The following NTM variants were observed in gnomAD, a reference collection of about 807,000 sequenced individuals.
The protein encoded by NTM is neurotrimin.
Under a neutral mutation model 42.1 loss-of-function variants are expected in NTM, and 13 were observed. The observed-to-expected ratio is 0.31, with a 90% CI of 0.20 to 0.49. The LOEUF is 0.49. Ranked by LOEUF, NTM falls within the 20% of genes least tolerant of loss-of-function variation. The pLI is 0.99. For synonymous variants in NTM, 187 were observed against 179.2 expected (o/e 1.04, Z -0.35); for missense variants, 373 against 452.8 (o/e 0.82, Z 1.60).
intron 1 of NTM, among the ~76,000 whole-genome samples, chr11:131,812,637 T>G (rs1031032639): frequency 3.9e-5 from 6 of 151,984 alleles, no homozygotes; most frequent in African/African-American, 1.4e-4. Context: ...TACAAATGCC[T>G]GAGAGGAGCT....
At chr11:132,263,210 G>C (rs141596688) in intron 4 of NTM, among the ~76,000 whole-genome samples, 5 of 152,334 alleles carry the variant, frequency 3.3e-5, no homozygotes, top group Admixed American at 3.3e-4. Flanking sequence ...CAACCCCAAG[G>C]CTGTTCAAGG....
At chr11:131,915,955 A>G (rs1002107335) in intron 2 of NTM, among the ~76,000 whole-genome samples, 1 of 152,170 alleles carries the variant, frequency 6.6e-6, no homozygotes, top group Non-Finnish European at 1.5e-5. Context: ...GCCAGACCAT[A>G]TCAGGCACTG....
chr11:131,734,907 A>G (rs1301266253), intron 1 of NTM, among the ~76,000 whole-genome samples: 2 of 152,226 alleles, frequency 1.3e-5, no homozygotes, highest in Non-Finnish European at 2.9e-5. Context: ...CAAGAACAAC[A>G]GAAATGTGAT....
intron 1 of NTM, among the ~76,000 whole-genome samples, chr11:131,766,804 T>C (rs1488910965): frequency 6.6e-6 from 1 of 152,212 alleles, no homozygotes; most frequent in Non-Finnish European, 1.5e-5. Context: ...CAGATTCTCT[T>C]CATTCTTACA....
chr11:132,159,177 A>G (rs1425799794), intron 3 of NTM, among the ~76,000 whole-genome samples: 1 of 151,806 alleles, frequency 6.6e-6, no homozygotes, highest in Non-Finnish European at 1.5e-5. Flanking sequence ...TGACCAGGAG[A>G]CCCCCCTCTC....
chr11:131,603,680 T>C (rs2060677362), intron 1 of NTM, among the ~76,000 whole-genome samples: 1 of 152,210 alleles, frequency 6.6e-6, no homozygotes. Flanking sequence ...TAACAAGCAC[T>C]CTTGACATTG....
chr11:131,926,579 T>TG (rs377081196), intron 2 of NTM, among the ~76,000 whole-genome samples: 16 of 152,064 alleles, frequency 1.1e-4, no homozygotes, highest in African/African-American at 3.9e-4. Context: ...CAAAGGGATC[T>TG]GGGGGGTCCT....
chr11:131,436,876 A>T (rs549834391), intron 1 of NTM, among the ~76,000 whole-genome samples: 44 of 152,184 alleles, frequency 2.9e-4, no homozygotes, highest in Admixed American at 7.8e-4. Context: ...TTGTGATGTT[A>T]GGGTGTCAAT....
intron 2 of NTM, among the ~76,000 whole-genome samples, chr11:132,004,601 CTCTT>C (rs1254313778): frequency 5.9e-5 from 6 of 100,866 alleles, no homozygotes; most frequent in Non-Finnish European, 1.1e-4. Context: ...CTCTCTTTCT[CTCTT>C]TCTCTCTCTC....
rs562903071 is a variant in NTM, at chr11:131,799,282, A to G, written c.83-112282A>G. ...ACTTGAAACTATCGCATACTAATGC[A>G]CAGAGTCAACCTGGAGTGGAATCCT... is the stretch of plus-strand genomic sequence containing the variant. On this transcript the variant is annotated intron_variant, in intron 1 of 8. Coordinates refer to ENST00000683400, the MANE Select transcript of NTM (RefSeq NM_001352005.2). 3.9e-5 allele frequency among the ~76,000 whole-genome samples: 6 copies of G among 152,292 alleles called. No individual in the cohort carries two copies. The South Asian group carries it at 1.2e-3, about 32-fold the overall frequency.
chr11:132,116,301 A>G (rs1286964906), intron 2 of NTM, among the ~76,000 whole-genome samples: 1 of 152,218 alleles, frequency 6.6e-6, no homozygotes, highest in African/African-American at 2.4e-5. Flanking sequence ...AGCAAGTGCT[A>G]GGACCATGGA....
intron 2 of NTM, among the ~76,000 whole-genome samples, chr11:132,004,507 G>A (rs1170584328): frequency 6.6e-6 from 1 of 151,660 alleles, no homozygotes; most frequent in Non-Finnish European, 1.5e-5. Flanking sequence ...CTACTTTATT[G>A]TCCACTTGGA....
At chr11:132,161,261 C>T (rs2074201668) in intron 3 of NTM, among the ~76,000 whole-genome samples, 1 of 151,782 alleles carries the variant, frequency 6.6e-6, no homozygotes, top group Admixed American at 6.6e-5. Flanking sequence ...TTTAGAAGAT[C>T]GGCAGAATCA....
intron 4 of NTM, among the ~76,000 whole-genome samples, chr11:132,289,425 C>T (rs188745777): frequency 2.6e-4 from 40 of 152,286 alleles, no homozygotes; most frequent in African/African-American, 9.4e-4. Flanking sequence ...GAACCTGGGA[C>T]TTTATACATT....
chr11:132,107,880 A>G (rs1358577350), intron 2 of NTM, among the ~76,000 whole-genome samples: 1 of 152,046 alleles, frequency 6.6e-6, no homozygotes, highest in Non-Finnish European at 1.5e-5. Flanking sequence ...TGTCTTCTGT[A>G]CCCTGTCTGC....
intron 1 of NTM, among the ~76,000 whole-genome samples, chr11:131,731,751 G>T (rs2135490579): frequency 6.6e-6 from 1 of 152,294 alleles, no homozygotes; most frequent in South Asian, 2.1e-4. Flanking sequence ...GGACTCCACG[G>T]CTCAGTTCAC....
At chr11:131,893,200 G>T (rs1261126823) in intron 1 of NTM, among the ~76,000 whole-genome samples, 1 of 152,194 alleles carries the variant, frequency 6.6e-6, no homozygotes, top group Non-Finnish European at 1.5e-5. Context: ...GTGCTCAATT[G>T]TTTAGGTGAA....
At chr11:131,575,022 A>C (rs1012965362) in intron 1 of NTM, among the ~76,000 whole-genome samples, 1 of 152,170 alleles carries the variant, frequency 6.6e-6, no homozygotes, top group African/African-American at 2.4e-5. Context: ...ATCTATGTTT[A>C]GTGCAATAAT....
chr11:131,381,008 C>T (rs1039423142), intron 1 of NTM, among the ~76,000 whole-genome samples: 3 of 152,036 alleles, frequency 2.0e-5, no homozygotes, highest in East Asian at 1.9e-4. Context: ...AATAATAAAC[C>T]GGATGTTATG....
Sources: gnomAD v4.1 joint callset for allele counts (sites outside exome capture counted in the v4.1 genomes callset) on GRCh38, gnomAD v4.1.1 for gene constraint, MANE v1.5 for transcripts, NCBI Gene and HGNC (gene_info 2026-07-23, HGNC 2026-07-21) for gene names.